The following CYRIB variants were observed in gnomAD, a reference collection of about 807,000 sequenced individuals.
CYRIB encodes CYFIP-related Rac1 interactor B.
CYRIB carries 8 observed loss-of-function variants against 44.2 expected under a neutral mutation model. That is an observed-to-expected ratio of 0.18 (90% CI 0.11 to 0.33). The LOEUF (loss-of-function observed/expected upper bound fraction) is 0.33, where lower values mean the gene tolerates loss of function less well. Among genes scored for constraint, CYRIB ranks in the 10% least tolerant of loss-of-function variants. CYRIB has a pLI of 1.00. For synonymous variants in CYRIB, 131 were observed against 127.2 expected, an observed-to-expected ratio of 1.03 and a Z score of -0.20; for missense variants, 185 against 382.8, an observed-to-expected ratio of 0.48 and a Z score of 4.31.
At chr8:129,892,080 G>T (rs187384009) in intron 2 of CYRIB, among the ~76,000 whole-genome samples, 97 of 152,234 alleles carry the variant, frequency 6.4e-4, no homozygotes, top group Non-Finnish European at 5.0e-4. Context: ...GGAAAAGGAA[G>T]AGTTTAACCA....
At chr8:129,917,278 G>GA (rs1235889642) in intron 1 of CYRIB, among the ~76,000 whole-genome samples, 1 of 152,120 alleles carries the variant, frequency 6.6e-6, no homozygotes, top group Non-Finnish European at 1.5e-5. Flanking sequence ...TGTAAGACCT[G>GA]AAAAACCTGA....
chr8:130,005,899 C>T (rs545160862), intron 1 of CYRIB, among the ~76,000 whole-genome samples: 60 of 152,230 alleles, frequency 3.9e-4, no homozygotes, highest in Non-Finnish European at 7.4e-4. Flanking sequence ...AGCCACCCCA[C>T]GCCCAACACC....
intron 2 of CYRIB, among the ~76,000 whole-genome samples, chr8:129,959,254 CCAGCCA>C (rs1392464417): frequency 7.5e-6 from 1 of 133,066 alleles, no homozygotes; most frequent in Non-Finnish European, 1.5e-5. Context: ...TGTAGCAGCC[CCAGCCA>C]CAGCCACAGC....
chr8:129,978,521 G>C (rs2096062041), intron 1 of CYRIB, among the ~76,000 whole-genome samples: 1 of 152,312 alleles, frequency 6.6e-6, no homozygotes, highest in East Asian at 1.9e-4. Flanking sequence ...GGATGATACA[G>C]AACAAAAGAT....
chr8:129,879,535 C>CT, intron 2 of CYRIB, 64 bp from the exon 5 acceptor site: 1 of 1,206,618 alleles, frequency 8.3e-7, no homozygotes, highest in Non-Finnish European at 1.2e-6. Flanking sequence ...CTGAAGTTTA[C>CT]TTAAAGAAAA....
intron 1 of CYRIB, among the ~76,000 whole-genome samples, chr8:129,915,778 C>G (rs148462192): frequency 2.6e-5 from 4 of 152,052 alleles, no homozygotes; most frequent in Non-Finnish European, 5.9e-5. Flanking sequence ...GTGGGTCAAG[C>G]CTGAGAAATT....
At chr8:129,902,747 A>G (rs2072954695) in intron 2 of CYRIB, among the ~76,000 whole-genome samples, 1 of 152,232 alleles carries the variant, frequency 6.6e-6, no homozygotes. Flanking sequence ...CCTGTAAAAA[A>G]AATTACATTT....
Position 129,869,971 on chromosome 8 carries a change from G to C in CYRIB, c.195+1404C>G, listed in dbSNP as rs189306029. On this transcript the variant is annotated intron_variant, in intron 4 of 11. Coordinates refer to ENST00000519824, the Ensembl canonical transcript of CYRIB. ...AGAGTAAGAGGAAGTAGGAGATTATGGGGGGGTGGGGGGAGGGGGGGCGTT... is the reference window on the plus strand; with the variant it reads ...AGAGTAAGAGGAAGTAGGAGATTATCGGGGGGTGGGGGGAGGGGGGGCGTT... 8.1e-3 allele frequency among the ~76,000 whole-genome samples: 1,234 copies of C among 151,812 alleles called. 20 individuals are homozygous for C. The highest frequency in any genetic ancestry group is 0.029 in the African/African-American group (1,189 of 41,364).
intron 1 of CYRIB, among the ~76,000 whole-genome samples, chr8:129,921,933 G>A (rs572062708): frequency 6.6e-6 from 1 of 152,294 alleles, no homozygotes; most frequent in Non-Finnish European, 1.5e-5. Flanking sequence ...AAGATGTTGA[G>A]AAGGCAATGA....
At chr8:129,890,779 A>C (rs1004190905) in intron 2 of CYRIB, 1 of 152,102 alleles carries the variant, frequency 6.6e-6, no homozygotes, top group Admixed American at 6.6e-5. Context: ...TGTAGTCCCA[A>C]CTACTCAGGA....
intron 1 of CYRIB, among the ~76,000 whole-genome samples, chr8:129,909,003 G>A (rs946185385): frequency 3.9e-5 from 6 of 151,934 alleles, no homozygotes; most frequent in Non-Finnish European, 1.5e-5. Context: ...TGTTGACCAG[G>A]CTGGTCTTGA....
chr8:129,840,123 AC>A, exon 12 of CYRIB: 1 of 168,344 alleles, frequency 5.9e-6, no homozygotes. Context: ...AGGCTGCTGT[AC>A]CAAAATACCA....
intron 1 of CYRIB, among the ~76,000 whole-genome samples, chr8:129,996,348 T>C (rs962758846): frequency 6.6e-6 from 1 of 152,160 alleles, no homozygotes; most frequent in African/African-American, 2.4e-5. Context: ...GGTCTCCTTC[T>C]ATCTAAACTT....
chr8:129,921,073 GATC>G (rs937054398), intron 1 of CYRIB, among the ~76,000 whole-genome samples: 14 of 152,278 alleles, frequency 9.2e-5, no homozygotes, highest in East Asian at 3.9e-4. Flanking sequence ...GAAGTGAACA[GATC>G]ATCAATATTT....
chr8:129,884,534 C>T (rs1282905678), intron 2 of CYRIB, among the ~76,000 whole-genome samples: 1 of 152,100 alleles, frequency 6.6e-6, no homozygotes, highest in East Asian at 1.9e-4. Flanking sequence ...GTGACCTACC[C>T]GCCTCAGCCT....
chr8:129,994,849 G>A (rs1023152781), intron 1 of CYRIB, among the ~76,000 whole-genome samples: 1 of 152,256 alleles, frequency 6.6e-6, no homozygotes, highest in African/African-American at 2.4e-5. Context: ...CCAAGGCCAC[G>A]TCACAGGACG....
chr8:129,944,192 A>G (rs1033185034), upstream of CYRIB, among the ~76,000 whole-genome samples: 1 of 152,196 alleles, frequency 6.6e-6, no homozygotes, highest in African/African-American at 2.4e-5. Context: ...TATGGACTAC[A>G]GTGGTAGGGA....
At chr8:129,844,917 G>C (rs1161074483) in intron 11 of CYRIB, among the ~76,000 whole-genome samples, 1 of 152,196 alleles carries the variant, frequency 6.6e-6, no homozygotes, top group Non-Finnish European at 1.5e-5. Context: ...TGTTTAAAAG[G>C]AAAGTGCCTG....
intron 10 of CYRIB, 138 bp downstream of exon 12, chr8:129,849,105 G>T: frequency 1.4e-6 from 1 of 718,394 alleles, no homozygotes; most frequent in Non-Finnish European, 2.2e-6. Flanking sequence ...GGACAGAGGA[G>T]ATGAAAGTCC....
Sources: gnomAD v4.1 joint callset for allele counts (sites outside exome capture counted in the v4.1 genomes callset) on GRCh38, gnomAD v4.1.1 for gene constraint, MANE v1.5 for transcripts, NCBI Gene and HGNC (gene_info 2026-07-23, HGNC 2026-07-21) for gene names.